The following ADGRL3 variants were observed in gnomAD, a reference collection of about 807,000 sequenced individuals.
ADGRL3 encodes the protein adhesion G protein-coupled receptor L3.
In ADGRL3, 62 loss-of-function variants were observed where a neutral mutation model predicts 153.5. That is an observed-to-expected ratio of 0.40 (90% CI 0.33 to 0.50). The LOEUF is 0.50. Among genes scored for constraint, ADGRL3 ranks in the 20% least tolerant of loss-of-function variants. The pLI, the probability that ADGRL3 is intolerant of heterozygous loss-of-function variation, is 0.47. For synonymous variants in ADGRL3, 710 were observed against 672.5 expected, an observed-to-expected ratio of 1.06 and a Z score of -0.86; for missense variants, 1,641 against 1,859.4, an observed-to-expected ratio of 0.88 and a Z score of 2.16.
At chr4:61,593,657 A>G (rs1336880398) in intron 5 of ADGRL3, among the ~76,000 whole-genome samples, 1 of 152,114 alleles carries the variant, frequency 6.6e-6, no homozygotes, top group Non-Finnish European at 1.5e-5. Context: ...GTTGTCAGAT[A>G]CATTGGAGCT....
chr4:61,405,518 T>G (rs2096983337), intron 2 of ADGRL3, among the ~76,000 whole-genome samples: 1 of 152,108 alleles, frequency 6.6e-6, no homozygotes, highest in South Asian at 2.1e-4. Flanking sequence ...GAACTGTCCA[T>G]TAAGCCTAAT....
chr4:61,982,790 G>A (rs567426514), intron 18 of ADGRL3, among the ~76,000 whole-genome samples: 6 of 152,252 alleles, frequency 3.9e-5, no homozygotes, highest in Admixed American at 2.0e-4. Context: ...TTTTATTCAT[G>A]TTCACCATGA....
At chr4:61,914,510 A>T (rs1235652166) in intron 13 of ADGRL3, among the ~76,000 whole-genome samples, 2 of 152,104 alleles carry the variant, frequency 1.3e-5, no homozygotes, top group Non-Finnish European at 2.9e-5. Context: ...GCAACTGGAC[A>T]AAGGGGGAAT....
At position 61,201,656 on chromosome 4, in the gene ADGRL3, G is replaced by T. The variant is rs1160561615; in HGVS notation, c.-349G>T. The T allele has an allele frequency of 1.3e-5, 2 of 152,484 alleles. No individual in the cohort carries two copies. The highest frequency in any genetic ancestry group is 2.9e-5 in the Non-Finnish European group (2 of 68,268). 9.4% of individuals were successfully genotyped at this position (152,484 alleles called of 1,614,324 possible). On this transcript the variant is annotated 5_prime_UTR_variant, in exon 1 of 27. Coordinates refer to ENST00000683033, the MANE Select transcript of ADGRL3 (RefSeq NM_001387552.1). ...TGTGGTTGGGGGTGTCTGCACAGGG[G>T]CCGGCCGGTCTTTTGCCCCGGGCTC...
intron 9 of ADGRL3, among the ~76,000 whole-genome samples, chr4:61,874,458 A>G (rs7688735): frequency 0.19 from 29,378 of 152,014 alleles, 3,018 homozygotes; most frequent in African/African-American, 0.24. Context: ...GCCTTATTCT[A>G]TAAGATATAA....
intron 1 of ADGRL3, among the ~76,000 whole-genome samples, chr4:61,322,002 T>C (rs1227953094): frequency 6.6e-6 from 1 of 152,184 alleles, no homozygotes; most frequent in East Asian, 1.9e-4. Context: ...GATAAAGACA[T>C]ACCTGAGACT....
chr4:61,565,694 C>T (rs1332404734), intron 4 of ADGRL3, among the ~76,000 whole-genome samples: 1 of 152,098 alleles, frequency 6.6e-6, no homozygotes, highest in Non-Finnish European at 1.5e-5. Context: ...CCTGCCACCA[C>T]ACCCAGCTAA....
At position 62,075,908 on chromosome 4, in the gene ADGRL3, G is replaced by A. The variant is rs1423091038; in HGVS notation, c.*5000G>A. On this transcript the variant is annotated 3_prime_UTR_variant, in exon 27 of 27. Transcript: ENST00000683033. ...TTGTAGGCTAGCAGAACTTAAATGTGTTGGTAGTTGCTTCTTTCCTGATTA... is the reference window on the plus strand; with the variant it reads ...TTGTAGGCTAGCAGAACTTAAATGTATTGGTAGTTGCTTCTTTCCTGATTA... 1.3e-5 allele frequency: 2 copies of A among 152,066 alleles called. No individual in the cohort carries two copies. Among genetic ancestry groups the A allele is most frequent in the Non-Finnish European group, 2.9e-5 (2 of 67,992 alleles). 9.4% of individuals were successfully genotyped at this position (152,066 alleles called of 1,614,324 possible). A position where few individuals can be genotyped will look rare whatever the true frequency, so the allele number is the denominator to read the frequency against.
chr4:62,023,030 CTAAAT>C (rs2099245275), intron 21 of ADGRL3, among the ~76,000 whole-genome samples: 1 of 31,744 alleles, frequency 3.2e-5, no homozygotes, highest in African/African-American at 5.0e-5. Context: ...TCTGGACAAA[CTAAAT>C]TGAAAATTGA....
chr4:62,071,006 C>A lies in ADGRL3; in HGVS notation c.*98C>A. 1 of 1,010,858 alleles carries A rather than the reference C, an allele frequency of 9.9e-7. No homozygotes were observed. Among genetic ancestry groups the A allele is most frequent in the Non-Finnish European group, 1.4e-6 (1 of 702,330 alleles). 62.6% of individuals were successfully genotyped at this position (1,010,858 alleles called of 1,614,324 possible). A position where few individuals can be genotyped will look rare whatever the true frequency, so the allele number is the denominator to read the frequency against. On this transcript the variant is annotated 3_prime_UTR_variant, in exon 27 of 27. Coordinates refer to ENST00000683033, the MANE Select transcript of ADGRL3 (RefSeq NM_001387552.1). ...GGTAATAATGTGTGTACTCCTAAAT[C>A]TTTATGCTGTCCTCTAAAGACAAAC...
At chr4:61,314,488 G>A (rs1351489554) in intron 1 of ADGRL3, among the ~76,000 whole-genome samples, 4 of 152,158 alleles carry the variant, frequency 2.6e-5, no homozygotes, top group Admixed American at 6.5e-5. Flanking sequence ...GATTATAGGC[G>A]TGAGCCACTG....
intron 8 of ADGRL3, among the ~76,000 whole-genome samples, chr4:61,779,477 T>G (rs2097189179): frequency 6.6e-6 from 1 of 151,402 alleles, no homozygotes; most frequent in South Asian, 2.1e-4. Flanking sequence ...CTATTAAAAA[T>G]ACAAAAATTA....
At chr4:61,778,364 T>C (rs1036366606) in intron 8 of ADGRL3, among the ~76,000 whole-genome samples, 9 of 152,226 alleles carry the variant, frequency 5.9e-5, no homozygotes, top group African/African-American at 2.2e-4. Context: ...GACTTTCACA[T>C]TTGAACATTT....
intron 2 of ADGRL3, among the ~76,000 whole-genome samples, chr4:61,409,574 A>G (rs2097058423): frequency 6.6e-6 from 1 of 151,354 alleles, no homozygotes; most frequent in African/African-American, 2.4e-5. Context: ...ATCATACAAA[A>G]GAAAGGCATT....
chr4:61,461,818 C>T (rs2097823008), intron 2 of ADGRL3, among the ~76,000 whole-genome samples: 1 of 152,124 alleles, frequency 6.6e-6, no homozygotes, highest in Non-Finnish European at 1.5e-5. Context: ...CAATGACTTA[C>T]TCCAAGATTA....
At chr4:61,233,729 T>C (rs1245415129) in intron 1 of ADGRL3, among the ~76,000 whole-genome samples, 1 of 151,936 alleles carries the variant, frequency 6.6e-6, no homozygotes, top group Non-Finnish European at 1.5e-5. Context: ...TACAAGTTTT[T>C]AGGAAGACTT....
At chr4:61,387,553 C>T (rs1342204570) in intron 2 of ADGRL3, among the ~76,000 whole-genome samples, 2 of 152,114 alleles carry the variant, frequency 1.3e-5, no homozygotes, top group East Asian at 3.9e-4. Context: ...CATTCTCTTT[C>T]TCAGGGATGT....
intron 1 of ADGRL3, among the ~76,000 whole-genome samples, chr4:61,295,403 T>C (rs1302318478): frequency 6.6e-6 from 1 of 152,126 alleles, no homozygotes; most frequent in Non-Finnish European, 1.5e-5. Flanking sequence ...CCATGGTATA[T>C]ATAGGATTCA....
At chr4:61,614,992 G>T (rs1321430918) in intron 5 of ADGRL3, among the ~76,000 whole-genome samples, 1 of 152,078 alleles carries the variant, frequency 6.6e-6, no homozygotes, top group Non-Finnish European at 1.5e-5. Flanking sequence ...GAGGAAGAAA[G>T]AATGTATTGT....
Sources: gnomAD v4.1 joint callset for allele counts (sites outside exome capture counted in the v4.1 genomes callset) on GRCh38, gnomAD v4.1.1 for gene constraint, MANE v1.5 for transcripts, NCBI Gene and HGNC (gene_info 2026-07-23, HGNC 2026-07-21) for gene names.